Variants in CDH18 observed in about 807,000 individuals in gnomAD.
CDH18 encodes cadherin-18.
CDH18 carries 31 observed loss-of-function variants against 67.9 expected under a neutral mutation model. That is an observed-to-expected ratio of 0.46 (90% CI 0.34 to 0.62). The LOEUF is 0.62. Among genes scored for constraint, CDH18 ranks in the 20% least tolerant of loss-of-function variants. CDH18 has a pLI of 0.01. For synonymous variants in CDH18, 362 were observed against 347.2 expected, an observed-to-expected ratio of 1.04 and a Z score of -0.48; for missense variants, 890 against 975.5, an observed-to-expected ratio of 0.91 and a Z score of 1.17.
chr5:19,702,461 C>A (rs1415423037), intron 5 of CDH18, among the ~76,000 whole-genome samples: 1 of 150,908 alleles, frequency 6.6e-6, no homozygotes, highest in Non-Finnish European at 1.5e-5. Context: ...AGCATTCTTT[C>A]TAACTAACAA....
chr5:19,800,512 C>T lies in CDH18; in HGVS notation c.228+38247G>A, dbSNP rs551263111. Among the ~76,000 whole-genome samples, 15 of 151,560 alleles carry T rather than the reference C, an allele frequency of 9.9e-5. No homozygotes were observed. The South Asian group carries it at 3.1e-3, about 32-fold the overall frequency. On this transcript the variant is annotated intron_variant, in intron 3 of 12. Transcript: ENST00000382275. ...AAGAGGGGTTTTCTGTATCCTCATC[C>T]AAAAAAATGGAAAGTAATTGTAACC...
intron 2 of CDH18, among the ~76,000 whole-genome samples, chr5:20,136,438 T>G (rs1243981198): frequency 1.3e-5 from 2 of 152,230 alleles, no homozygotes; most frequent in Non-Finnish European, 2.9e-5. Context: ...TCGCATTTGC[T>G]TGGTAGATCT....
chr5:20,366,993 C>G (rs1182837323), intron 1 of CDH18, among the ~76,000 whole-genome samples: 1 of 152,008 alleles, frequency 6.6e-6, no homozygotes, highest in African/African-American at 2.4e-5. Context: ...TAAAAATGAC[C>G]CTTCTCTGCC....
chr5:20,320,786 G>A (rs556539235), intron 1 of CDH18, among the ~76,000 whole-genome samples: 25 of 152,264 alleles, frequency 1.6e-4, no homozygotes, highest in Admixed American at 7.2e-4. Context: ...CAGGATACTG[G>A]CTCTTTCCTG....
chr5:20,407,679 GCAGGTTGCTTTGAATATCA>G (rs1746402569), intron 1 of CDH18, among the ~76,000 whole-genome samples: 1 of 151,296 alleles, frequency 6.6e-6, no homozygotes, highest in Admixed American at 6.6e-5. Context: ...TAGCTTAAAT[GCAGGTTGCTTTGAATATCA>G]CAGTCAGAAA....
chr5:19,543,769 T>A (rs1735815207), intron 9 of CDH18, 100 bp downstream of exon 9: 1 of 761,264 alleles, frequency 1.3e-6, no homozygotes, highest in South Asian at 2.8e-5. Context: ...TAGATCCTGA[T>A]ATCAAAAATA....
At chr5:19,837,834 G>C (rs941027393) in intron 3 of CDH18, among the ~76,000 whole-genome samples, 4 of 152,112 alleles carry the variant, frequency 2.6e-5, no homozygotes, top group African/African-American at 7.2e-5. Flanking sequence ...TGAGCCTGCA[G>C]TCACGGATAT....
At chr5:20,571,048 A>G (rs907398181) in intron 1 of CDH18, among the ~76,000 whole-genome samples, 2 of 152,154 alleles carry the variant, frequency 1.3e-5, no homozygotes, top group Non-Finnish European at 2.9e-5. Flanking sequence ...TTGTTTCCTT[A>G]CAAAGCCTGA....
At chr5:20,437,338 C>T (rs1580996196) in intron 1 of CDH18, among the ~76,000 whole-genome samples, 1 of 151,066 alleles carries the variant, frequency 6.6e-6, no homozygotes, top group Non-Finnish European at 1.5e-5. Context: ...TAGACTCTTG[C>T]TTTAAAAAAG....
intron 2 of CDH18, among the ~76,000 whole-genome samples, chr5:20,128,584 C>A (rs932260846): frequency 5.3e-5 from 8 of 152,144 alleles, no homozygotes; most frequent in Middle Eastern, 3.4e-3. Context: ...TCATTGTCCA[C>A]ACATTTCTCT....
At chr5:20,019,608 A>T (rs538026635) in intron 2 of CDH18, among the ~76,000 whole-genome samples, 1 of 151,756 alleles carries the variant, frequency 6.6e-6, no homozygotes, top group Non-Finnish European at 1.5e-5. Flanking sequence ...GCTTCCCCTC[A>T]CCTTCTGCCA....
chr5:20,395,962 G>A (rs577690886), intron 1 of CDH18, among the ~76,000 whole-genome samples: 4 of 152,184 alleles, frequency 2.6e-5, no homozygotes, highest in African/African-American at 7.2e-5. Context: ...TACATGCCTC[G>A]CCTTATGCAT....
intron 2 of CDH18, among the ~76,000 whole-genome samples, chr5:20,067,144 T>G (rs1419575255): frequency 6.6e-6 from 1 of 151,898 alleles, no homozygotes; most frequent in Admixed American, 6.6e-5. Context: ...TGTATGTGGT[T>G]TATATGCAAA....
At chr5:19,632,172 T>C (rs1471358939) in intron 5 of CDH18, among the ~76,000 whole-genome samples, 1 of 152,192 alleles carries the variant, frequency 6.6e-6, no homozygotes, top group African/African-American at 2.4e-5. Flanking sequence ...TACTTTCTGT[T>C]TTTTAATTTT....
rs1741158458 is a variant in CDH18, at chr5:20,351,219, C to CTT, written c.-579-95715_-579-95714insAA. Among the ~76,000 whole-genome samples, 11 of 145,756 alleles carry CTT rather than the reference C, an allele frequency of 7.5e-5. No homozygotes were observed. In the South Asian group the frequency reaches 2.4e-3, roughly 31 times the overall value. On this transcript the variant is annotated intron_variant, in intron 1 of 14. Coordinates refer to the CDH18 transcript ENST00000507958. Reference sequence around the variant, plus strand: ...GTGTGTGTTATTGCTTATTTTGTCTCCTTCTACCAGAATGTCAACTCCATG... The same window carrying CTT: ...GTGTGTGTTATTGCTTATTTTGTCTCTTCTTCTACCAGAATGTCAACTCCATG...
intron 2 of CDH18, among the ~76,000 whole-genome samples, chr5:19,952,114 T>A (rs1054913007): frequency 2.6e-5 from 4 of 152,156 alleles, no homozygotes; most frequent in African/African-American, 7.2e-5. Flanking sequence ...AGTGGCGCCA[T>A]TTCAGCTAAC....
At chr5:19,844,870 T>C (rs1782747259) in intron 2 of CDH18, among the ~76,000 whole-genome samples, 1 of 152,218 alleles carries the variant, frequency 6.6e-6, no homozygotes, top group African/African-American at 2.4e-5. Flanking sequence ...TCCCTAAACC[T>C]GATTTGTAAA....
At chr5:20,197,846 G>A (rs1739106222) in intron 2 of CDH18, among the ~76,000 whole-genome samples, 1 of 152,218 alleles carries the variant, frequency 6.6e-6, no homozygotes, top group Admixed American at 6.5e-5. Context: ...GTTTGGCTCT[G>A]TGTCCCCACT....
intron 1 of CDH18, among the ~76,000 whole-genome samples, chr5:20,419,460 C>CTTTT (rs1469236559): frequency 2.0e-5 from 2 of 100,386 alleles, no homozygotes; most frequent in African/African-American, 4.1e-5. Context: ...GTATGGGACT[C>CTTTT]TGTTTTTTTT....
Sources: gnomAD v4.1 joint callset for allele counts (sites outside exome capture counted in the v4.1 genomes callset) on GRCh38, gnomAD v4.1.1 for gene constraint, MANE v1.5 for transcripts, NCBI Gene and HGNC (gene_info 2026-07-23, HGNC 2026-07-21) for gene names.